Variants in ADH4 observed in about 807,000 individuals in gnomAD.
ADH4 encodes the protein alcohol dehydrogenase 4 (class II), pi polypeptide, also known as all-trans-retinol dehydrogenase [NAD(+)] ADH4.
A neutral mutation model predicts 35.2 loss-of-function variants in ADH4; 31 were observed. The ratio of observed to expected loss-of-function variants is 0.88; its 90% CI spans 0.66 to 1.19. ADH4 has a LOEUF of 1.19. Ranked by LOEUF, ADH4 falls within the 50% of genes most tolerant of loss-of-function variation. The pLI is 0.00. For missense variants in ADH4, 476 were observed against 458.3 expected (o/e 1.04, Z -0.35); for synonymous variants, 171 against 160.2 (o/e 1.07, Z -0.51).
chr4:99,136,398 T>C, intron 5 of ADH4, 68 bp downstream of exon 5: 2 of 1,306,866 alleles, frequency 1.5e-6, no homozygotes, highest in Non-Finnish European at 2.2e-6. Context: ...TAACTAACTC[T>C]AGTTCATCTG....
chr4:99,127,756 G>A (rs193010489), intron 6 of ADH4, among the ~76,000 whole-genome samples: 1 of 151,542 alleles, frequency 6.6e-6, no homozygotes, highest in East Asian at 1.9e-4. Context: ...CTGAACCCGG[G>A]AGGAGGAGGA....
Position 99,141,521 on chromosome 4 carries a change from T to G in ADH4, c.262+20A>C. 1.3e-6 allele frequency: 2 copies of G among 1,599,404 alleles called. No individual in the cohort carries two copies. Among genetic ancestry groups the G allele is most frequent in the Non-Finnish European group, 1.7e-6 (2 of 1,172,066 alleles). On this transcript the variant is annotated intron_variant, in intron 3 of 8. Transcript: ENST00000265512. ...TGAAATATTGTGACATTTCCATTTT[T>G]TCTGAATAAAATAAAATACCTGGTT...
intron 6 of ADH4, among the ~76,000 whole-genome samples, chr4:99,130,136 A>G (rs1365350869): frequency 6.6e-6 from 1 of 152,200 alleles, no homozygotes; most frequent in Non-Finnish European, 1.5e-5. Flanking sequence ...TATTGCCTTT[A>G]AAGTCTTTTG....
At chr4:99,133,637 AT>A (rs4148890) in intron 5 of ADH4, 58,749 of 152,002 alleles carry the variant, frequency 0.39, 11,924 homozygotes, top group South Asian at 0.5. Context: ...ACTCCTGGAA[AT>A]TTAGGTCGAC....
At chr4:99,128,892 T>G (rs1193821912) in intron 6 of ADH4, among the ~76,000 whole-genome samples, 1 of 152,112 alleles carries the variant, frequency 6.6e-6, no homozygotes, top group Non-Finnish European at 1.5e-5. Context: ...CTCAACTTCC[T>G]GGGCTTAAGT....
Position 99,144,266 on chromosome 4 carries a change from A to G in ADH4, c.-44T>C. 1 of 1,600,448 alleles carries G rather than the reference A, an allele frequency of 6.2e-7. No homozygotes were observed. The highest frequency in any genetic ancestry group is 2.2e-5 in the East Asian group (1 of 44,798). On this transcript the variant is annotated 5_prime_UTR_variant, in exon 1 of 9. Transcript: ENST00000265512. The stretch of plus-strand genomic sequence containing the variant: ...GTTGGAAGTTTCTTTCTGAGTTAAG[A>G]AAGCTTCAAACTCCTACCCAGGGAG...
At chr4:99,129,298 A>G in intron 6 of ADH4, among the ~76,000 whole-genome samples, 1 of 152,110 alleles carries the variant, frequency 6.6e-6, no homozygotes, top group Non-Finnish European at 1.5e-5. Flanking sequence ...CCTAAAATAA[A>G]ATGACTTATT....
chr4:99,136,714 A>G lies in ADH4; in HGVS notation c.351-17T>C. Reference sequence around the variant, plus strand: ...TTGAGATTACTAGAAAATTAAAAAAAAGAGTGATACAAATAAAGAGAAGTT... The same window carrying G: ...TTGAGATTACTAGAAAATTAAAAAAGAGAGTGATACAAATAAAGAGAAGTT... On this transcript the variant is annotated splice_polypyrimidine_tract_variant and intron_variant, in intron 4 of 8. Transcript: ENST00000265512. 6.6e-7 allele frequency: 1 copy of G among 1,507,840 alleles called. No individual in the cohort carries two copies. Among genetic ancestry groups the G allele is most frequent in the Non-Finnish European group, 9.2e-7 (1 of 1,088,556 alleles). The allele number at this position is 1,507,840 out of a possible 1,614,324, so 93.4% of individuals were successfully genotyped here.
intron 3 of ADH4, among the ~76,000 whole-genome samples, chr4:99,140,575 CA>C (rs1159671645): frequency 0.019 from 2,690 of 140,902 alleles, 77 homozygotes; most frequent in African/African-American, 0.064. Flanking sequence ...CTGTTTCGAA[CA>C]AAAAAAAAAG....
At chr4:99,126,820 G>T in intron 7 of ADH4, 88 bp from the exon 8 acceptor site, 1 of 1,317,086 alleles carries the variant, frequency 7.6e-7, no homozygotes, top group Non-Finnish European at 1.0e-6. Context: ...GAAATTATTA[G>T]GTCAGATTTG....
Position 99,138,885 on chromosome 4 carries a change from G to A in ADH4, c.350+176C>T, listed in dbSNP as rs551703287. ...TTACTCTAATAAACAGTGTTACAAA[G>A]AACATTCCAGCACATGTTTCTTTGT... On this transcript the variant is annotated intron_variant, in intron 4 of 8. Coordinates refer to ENST00000265512, the MANE Select transcript of ADH4 (RefSeq NM_000670.5). 2.0e-5 allele frequency among the ~76,000 whole-genome samples: 3 copies of A among 152,176 alleles called. No individual in the cohort carries two copies. In the South Asian group the frequency reaches 6.2e-4, roughly 31 times the overall value.
At chr4:99,136,788 A>G in intron 4 of ADH4, 91 bp from the exon 5 acceptor site, 2 of 832,772 alleles carry the variant, frequency 2.4e-6, no homozygotes, top group Non-Finnish European at 3.7e-6. Flanking sequence ...GTTGAGCATT[A>G]TATATTTTTG....
chr4:99,136,644 C>T lies in ADH4; in HGVS notation c.404G>A (p.Arg135Lys), dbSNP rs1398844312. 6.2e-7 allele frequency: 1 copy of T among 1,613,798 alleles called. No individual in the cohort carries two copies. The highest frequency in any genetic ancestry group is 1.3e-5 in the African/African-American group (1 of 74,840). The change falls in exon 5 of 9, where the codon AGG (arginine) becomes AAG (lysine). Residue 135 changes from arginine to lysine, a missense_variant. Arg to Lys is a conservative substitution (Grantham distance 26, BLOSUM62 2). Coordinates refer to ENST00000265512, the MANE Select transcript of ADH4 (RefSeq NM_000670.5). ...AACTGGTTTTCCTTTGCAGGTAAAC[C>T]TGCTGGTTTTGTCTTCCATTAGTTG... Reference protein sequence around the residue: ...DQQLMEDKTSRFTCKGKPVYH... With the variant: ...DQQLMEDKTSKFTCKGKPVYH...
rs1729176711 is a variant in ADH4, at chr4:99,128,804, G to T, written c.844-1460C>A. ...CTAATTCATATATAAATATATAATT[G>T]TATTATCTTTTTTTTGAGGCAGTCT... is the stretch of plus-strand genomic sequence containing the variant. On this transcript the variant is annotated intron_variant, in intron 6 of 8. Coordinates refer to ENST00000265512, the MANE Select transcript of ADH4 (RefSeq NM_000670.5). Among the ~76,000 whole-genome samples, 3 of 51,868 alleles carry T rather than the reference G, an allele frequency of 5.8e-5. No homozygotes were observed. The South Asian group carries it at 3.3e-3, about 58-fold the overall frequency. 34.0% of individuals were successfully genotyped at this position (51,868 alleles called of 152,430 possible).
chr4:99,127,942 T>A (rs1207311271), intron 6 of ADH4, among the ~76,000 whole-genome samples: 1 of 151,894 alleles, frequency 6.6e-6, no homozygotes, highest in Admixed American at 6.6e-5. Flanking sequence ...ATGTTTAAAG[T>A]GTCAGGGTTT....
At chr4:99,137,514 G>A (rs1473728431) in intron 4 of ADH4, among the ~76,000 whole-genome samples, 1 of 152,000 alleles carries the variant, frequency 6.6e-6, no homozygotes, top group Non-Finnish European at 1.5e-5. Flanking sequence ...TGCCAGCTTT[G>A]GCCTCCCAAT....
In ADH4 at chr4:99,141,537, AT is replaced by A; in HGVS notation, c.262+3del. 3 of 1,601,456 alleles carry A rather than the reference AT, an allele frequency of 1.9e-6. No individual in the cohort carries two copies. The highest frequency in any genetic ancestry group is 2.6e-6 in the Non-Finnish European group (3 of 1,175,018). On this transcript the variant is annotated splice_donor_region_variant and intron_variant, in intron 3 of 8. Coordinates refer to ENST00000265512, the MANE Select transcript of ADH4 (RefSeq NM_000670.5). ...TTCCATTTTTTCTGAATAAAATAAAATACCTGGTTTGACGTTGGTCACTCCT... is the reference window on the plus strand; with the variant it reads ...TTCCATTTTTTCTGAATAAAATAAAAACCTGGTTTGACGTTGGTCACTCCT...
At chr4:99,134,466 C>G (rs1463904544) in intron 5 of ADH4, among the ~76,000 whole-genome samples, 1 of 151,866 alleles carries the variant, frequency 6.6e-6, no homozygotes, top group Non-Finnish European at 1.5e-5. Flanking sequence ...AAAAAGAAAG[C>G]TGTAGCTGAA....
At chr4:99,126,785 TTTAA>T (rs1729109085) in intron 7 of ADH4, 53 bp from the exon 8 acceptor site, 1 of 1,516,538 alleles carries the variant, frequency 6.6e-7, no homozygotes, top group African/African-American at 1.4e-5. Flanking sequence ...CACGAAGTAG[TTTAA>T]TCAGCATTTG....
Sources: allele counts gnomAD v4.1 joint callset (sites outside exome capture counted in the v4.1 genomes callset), GRCh38; gene constraint gnomAD v4.1.1; transcripts MANE v1.5; gene names NCBI Gene and HGNC (gene_info 2026-07-23, HGNC 2026-07-21).